The following TRPC7 variants were observed in gnomAD, a reference collection of about 807,000 sequenced individuals.
TRPC7 encodes the protein short transient receptor potential channel 7.
In TRPC7, 42 loss-of-function variants were observed where a neutral mutation model predicts 90.1. The ratio of observed to expected loss-of-function variants is 0.47; its 90% CI spans 0.36 to 0.60. The LOEUF is 0.60. Ranked by LOEUF, TRPC7 falls within the 20% of genes least tolerant of loss-of-function variation. The probability of loss-of-function intolerance (pLI) is 0.00; values close to 1 mark genes in which losing one functional copy is unlikely to be tolerated. For missense variants in TRPC7, 955 were observed against 1,112.3 expected (o/e 0.86, Z 2.01); for synonymous variants, 451 against 436.3 (o/e 1.03, Z -0.42).
At chr5:136,310,145 T>C (rs1402500280) in intron 3 of TRPC7, among the ~76,000 whole-genome samples, 1 of 152,198 alleles carries the variant, frequency 6.6e-6, no homozygotes, top group Non-Finnish European at 1.5e-5. Context: ...GTTCCTCTTA[T>C]ACACCATGTC....
intron 2 of TRPC7, among the ~76,000 whole-genome samples, chr5:136,345,832 A>G (rs10479121): frequency 0.49 from 73,675 of 151,816 alleles, 18,472 homozygotes; most frequent in Middle Eastern, 0.6. Context: ...TATGGTTTTA[A>G]GTCTAACATT....
At chr5:136,276,046 T>C (rs1757355249) in intron 3 of TRPC7, among the ~76,000 whole-genome samples, 1 of 152,240 alleles carries the variant, frequency 6.6e-6, no homozygotes, top group South Asian at 2.1e-4. Flanking sequence ...CTTTAGTTGT[T>C]GCTACCAGAA....
In TRPC7 at chr5:136,282,888, T is replaced by C. The variant is rs1389753162; in HGVS notation, c.964-8051A>G. Among the ~76,000 whole-genome samples the C allele has an allele frequency of 3.3e-5, 5 of 152,338 alleles. No homozygotes were observed. In the East Asian group the frequency reaches 9.7e-4, roughly 29 times the overall value. ...GGAATGGAGGACACAGTGAACAAGATGGCCATGGTCCCTGCCCTTGGGAAG... is the reference window on the plus strand; with the variant it reads ...GGAATGGAGGACACAGTGAACAAGACGGCCATGGTCCCTGCCCTTGGGAAG... On this transcript the variant is annotated intron_variant, in intron 3 of 11. Transcript: ENST00000513104.
chr5:136,226,279 C>T (rs1488791432), intron 8 of TRPC7, 24 bp from the exon 9 acceptor site: 2 of 1,533,608 alleles, frequency 1.3e-6, no homozygotes, highest in South Asian at 2.4e-5. Flanking sequence ...GAAACAACAA[C>T]ACACCCTCAA....
chr5:136,341,835 A>C (rs1759856353), intron 2 of TRPC7, among the ~76,000 whole-genome samples: 1 of 152,192 alleles, frequency 6.6e-6, no homozygotes, highest in Non-Finnish European at 1.5e-5. Flanking sequence ...ATGGGATCTC[A>C]GATTATTAGC....
At chr5:136,356,572 G>A (rs776398863) in intron 2 of TRPC7, 36 bp downstream of exon 2, 2 of 1,500,084 alleles carry the variant, frequency 1.3e-6, no homozygotes, top group Non-Finnish European at 1.8e-6. Flanking sequence ...AGCCCCCTGG[G>A]CAACCTGCCT....
chr5:136,348,242 A>C (rs1316741921), intron 2 of TRPC7, among the ~76,000 whole-genome samples: 1 of 152,214 alleles, frequency 6.6e-6, no homozygotes, highest in Non-Finnish European at 1.5e-5. Context: ...GCCATGGCTA[A>C]GGTCTCTTTA....
chr5:136,348,124 T>G (rs1462298888), intron 2 of TRPC7, among the ~76,000 whole-genome samples: 1 of 152,242 alleles, frequency 6.6e-6, no homozygotes, highest in Non-Finnish European at 1.5e-5. Flanking sequence ...AGAGTAGATC[T>G]TTCCAAACTG....
At chr5:136,335,734 T>G (rs545176441) in intron 2 of TRPC7, among the ~76,000 whole-genome samples, 2 of 151,370 alleles carry the variant, frequency 1.3e-5, no homozygotes, top group East Asian at 3.9e-4. Flanking sequence ...AAACCCCATC[T>G]CTACTAAAAA....
At chr5:136,336,577 G>A (rs1442405513) in intron 2 of TRPC7, among the ~76,000 whole-genome samples, 1 of 151,540 alleles carries the variant, frequency 6.6e-6, no homozygotes, top group Non-Finnish European at 1.5e-5. Context: ...TGTTACATAT[G>A]TATACATGTG....
chr5:136,226,121 G>T lies in TRPC7; in HGVS notation c.2175C>A (p.Ile725=). 1 of 1,596,658 alleles carries T rather than the reference G, an allele frequency of 6.3e-7. No homozygotes were observed. The highest frequency in any genetic ancestry group is 8.5e-7 in the Non-Finnish European group (1 of 1,170,404). ...TGCAGAGTTTTATGAGGCACATCTT[G>T]ATTCTCATTATGAGATAATAAAATG... is the stretch of plus-strand genomic sequence containing the variant. ...PKSFYYLIMR[I]KMCLIKLCKS... The change falls in exon 9 of 12, where the codon ATC becomes ATA. Residue 725 remains isoleucine, a synonymous_variant. Transcript: ENST00000513104.
At chr5:136,294,225 G>A (rs973332717) in intron 3 of TRPC7, among the ~76,000 whole-genome samples, 2 of 152,124 alleles carry the variant, frequency 1.3e-5, no homozygotes, top group South Asian at 2.1e-4. Context: ...CAGGACATAG[G>A]CATGGGCAAG....
At chr5:136,351,043 C>T (rs564812963) in intron 2 of TRPC7, among the ~76,000 whole-genome samples, 6 of 152,298 alleles carry the variant, frequency 3.9e-5, no homozygotes, top group Non-Finnish European at 7.3e-5. Context: ...TAAATCATTT[C>T]CAGAGAATTT....
intron 3 of TRPC7, among the ~76,000 whole-genome samples, chr5:136,313,638 G>A (rs997795044): frequency 1.1e-4 from 16 of 152,212 alleles, no homozygotes; most frequent in African/African-American, 3.9e-4. Flanking sequence ...GAGTCTGTCT[G>A]CTGTCGCATG....
chr5:136,263,214 A>G (rs946797300), intron 5 of TRPC7, among the ~76,000 whole-genome samples: 5 of 152,228 alleles, frequency 3.3e-5, no homozygotes, highest in African/African-American at 1.2e-4. Flanking sequence ...AGGGCATTCA[A>G]TAGAGACCCC....
intron 5 of TRPC7, among the ~76,000 whole-genome samples, chr5:136,254,840 T>A (rs188400161): frequency 6.6e-4 from 101 of 152,354 alleles, no homozygotes; most frequent in African/African-American, 2.4e-3. Flanking sequence ...TCGTTTTAGA[T>A]GCCATTCAGA....
At chr5:136,311,311 G>C (rs1758817678) in intron 3 of TRPC7, among the ~76,000 whole-genome samples, 1 of 152,208 alleles carries the variant, frequency 6.6e-6, no homozygotes, top group African/African-American at 2.4e-5. Context: ...CTAGAGGAGA[G>C]AGAGGGATGG....
At chr5:136,279,427 G>T (rs932921681) in intron 3 of TRPC7, among the ~76,000 whole-genome samples, 2 of 152,188 alleles carry the variant, frequency 1.3e-5, no homozygotes, top group African/African-American at 2.4e-5. Context: ...GAGTGCGGGG[G>T]TGAAGGCAGG....
chr5:136,226,724 A>G (rs1755642424), intron 8 of TRPC7, among the ~76,000 whole-genome samples: 1 of 152,250 alleles, frequency 6.6e-6, no homozygotes, highest in Non-Finnish European at 1.5e-5. Flanking sequence ...GTAAGTTTCA[A>G]TTTTCTACTA....
Sources: allele counts gnomAD v4.1 joint callset (sites outside exome capture counted in the v4.1 genomes callset), GRCh38; gene constraint gnomAD v4.1.1; transcripts MANE v1.5; gene names NCBI Gene and HGNC (gene_info 2026-07-23, HGNC 2026-07-21).